CDH6: variants seen among roughly 807,000 people sequenced by gnomAD.
The protein encoded by CDH6 is cadherin 6.
In CDH6, 31 loss-of-function variants were observed where a neutral mutation model predicts 78.0. The ratio of observed to expected loss-of-function variants is 0.40; its 90% CI spans 0.30 to 0.54. The LOEUF is 0.54. Among genes scored for constraint, CDH6 ranks in the 20% least tolerant of loss-of-function variants. The pLI is 0.56. For synonymous variants in CDH6, 376 were observed against 368.8 expected (o/e 1.02, Z -0.23); for missense variants, 724 against 975.9 (o/e 0.74, Z 3.44).
At chr5:31,313,494 G>A (rs1318797094) in intron 8 of CDH6, 40 bp downstream of exon 8, 5 of 1,572,652 alleles carry the variant, frequency 3.2e-6, no homozygotes, top group Non-Finnish European at 4.3e-6. Context: ...CCTATTAATA[G>A]ACTGAGTGTC....
rs1343806116 is a variant in CDH6 at position 31,326,602 on chromosome 5, T to A, written c.*3294T>A. 1.6e-5 allele frequency: 3 copies of A among 185,504 alleles called. No individual in the cohort carries two copies. Among genetic ancestry groups the A allele is most frequent in the African/African-American group, 7.0e-5 (3 of 42,668 alleles). 11.5% of individuals were successfully genotyped at this position (185,504 alleles called of 1,614,324 possible). Reference sequence around the variant, plus strand: ...TTCAGATGGAACAAAACCTGCCCATTTAATTTTAACGCAGTATAAAAAACG... The same window carrying A: ...TTCAGATGGAACAAAACCTGCCCATATAATTTTAACGCAGTATAAAAAACG... On this transcript the variant is annotated 3_prime_UTR_variant, in exon 12 of 12. Transcript: ENST00000265071.
chr5:31,322,862 G>T lies in CDH6; in HGVS notation c.1927G>T (p.Glu643Ter), dbSNP rs778474741. 1 of 1,613,934 alleles carries T rather than the reference G, an allele frequency of 6.2e-7. No individual in the cohort carries two copies. The highest frequency in any genetic ancestry group is 8.5e-7 in the Non-Finnish European group (1 of 1,179,878). Residue 643 changes from glutamate (E) to a stop codon, truncating the protein, a stop_gained, in exon 12 of 12, where the codon GAG becomes TAG. Transcript: ENST00000265071. LOFTEE classifies it high-confidence loss of function. ...AGCTCTGAGGCGGCAGCGAAAAAAA[G>T]AGCCTTTGATCATTTCCAAAGAGGA... is the stretch of plus-strand genomic sequence containing the variant. ...FAALRRQRKKEPLIISKEDIR... is the reference protein window; with the variant it reads ...FAALRRQRKK
chr5:31,199,453 TATGTGTATATATACACACAC>T, intron 1 of CDH6, among the ~76,000 whole-genome samples: 2 of 22,714 alleles, frequency 8.8e-5, no homozygotes, highest in African/African-American at 1.9e-4. Context: ...TACACACACA[TATGTGTATATATACACACAC>T]ATATGTGTAT....
intron 7 of CDH6, among the ~76,000 whole-genome samples, chr5:31,309,986 C>A (rs893567009): frequency 1.3e-5 from 2 of 152,206 alleles, no homozygotes; most frequent in African/African-American, 4.8e-5. Flanking sequence ...CCCTTGGCCC[C>A]TCCCAAATCT....
chr5:31,195,291 T>C (rs991461604), intron 1 of CDH6, among the ~76,000 whole-genome samples: 32 of 152,076 alleles, frequency 2.1e-4, no homozygotes, highest in Non-Finnish European at 1.5e-5. Flanking sequence ...TTCTGAGTGG[T>C]TAATTATCCA....
intron 11 of CDH6, among the ~76,000 whole-genome samples, chr5:31,322,147 A>G (rs1738491169): frequency 6.6e-6 from 1 of 152,208 alleles, no homozygotes; most frequent in South Asian, 2.1e-4. Flanking sequence ...CTCAAACAGA[A>G]ATAATATGGC....
Position 31,317,871 on chromosome 5 carries a change from G to A in CDH6, c.1829G>A (p.Gly610Glu). The change falls in exon 11 of 12, where the codon GGA becomes GAA. Residue 610 changes from glycine (G) to glutamate (E), a missense_variant. Gly to Glu is a moderately conservative substitution (Grantham distance 98). Coordinates refer to ENST00000265071, the MANE Select transcript of CDH6 (RefSeq NM_004932.4). ...GCGGAGGCGCTCATCCACCCCACGG[G>A]ACTGAGCACGGGGGCTCTGGTTGCC... is the stretch of plus-strand genomic sequence containing the variant. ...CHAEALIHPT[G>E]LSTGALVAIL... 1 of 1,614,038 alleles carries A rather than the reference G, an allele frequency of 6.2e-7. No homozygotes were observed. The highest frequency in any genetic ancestry group is 8.5e-7 in the Non-Finnish European group (1 of 1,180,002).
chr5:31,201,799 A>G (rs1029685557), intron 1 of CDH6, among the ~76,000 whole-genome samples: 1 of 152,234 alleles, frequency 6.6e-6, no homozygotes, highest in South Asian at 2.1e-4. Context: ...AATTATATTT[A>G]AAACACCAAA....
At chr5:31,254,777 T>C (rs1239055938) in intron 1 of CDH6, among the ~76,000 whole-genome samples, 1 of 152,246 alleles carries the variant, frequency 6.6e-6, no homozygotes, top group African/African-American at 2.4e-5. Flanking sequence ...GATTTTTTCA[T>C]AAAGCTACAG....
At chr5:31,262,949 G>A (rs537915568) in intron 1 of CDH6, among the ~76,000 whole-genome samples, 4 of 152,046 alleles carry the variant, frequency 2.6e-5, no homozygotes, top group South Asian at 2.1e-4. Flanking sequence ...GTTCTGCACC[G>A]TAAGAATCCT....
At chr5:31,231,433 G>A (rs1276356653) in intron 1 of CDH6, among the ~76,000 whole-genome samples, 2 of 152,152 alleles carry the variant, frequency 1.3e-5, no homozygotes, top group Non-Finnish European at 2.9e-5. Context: ...GACGCTTCCT[G>A]TCTCAGTCCA....
rs959143779 is a variant in CDH6 at position 31,275,122 on chromosome 5, C to G, written c.228+7421C>G. ...TTTGTCATAATATGGTCTGTAGTAG[C>G]AGATAAGAATATAAATAAGCTGAAT... On this transcript the variant is annotated intron_variant, in intron 2 of 11. Coordinates refer to ENST00000265071, the MANE Select transcript of CDH6 (RefSeq NM_004932.4). Among the ~76,000 whole-genome samples the G allele has an allele frequency of 7.9e-5, 12 of 152,282 alleles. No homozygotes were observed. The East Asian group carries it at 2.3e-3, about 29-fold the overall frequency.
intron 1 of CDH6, chr5:31,249,176 G>A (rs1373175132): frequency 6.6e-6 from 1 of 152,126 alleles, no homozygotes; most frequent in Non-Finnish European, 1.5e-5. Context: ...AAAAAGGTGA[G>A]CCTAACCACT....
chr5:31,288,323 C>T (rs970511118), intron 2 of CDH6, among the ~76,000 whole-genome samples: 4 of 152,146 alleles, frequency 2.6e-5, no homozygotes, highest in African/African-American at 9.6e-5. Flanking sequence ...AAATTATTAA[C>T]ATTCAAATAC....
chr5:31,267,973 A>G (rs1304411361), intron 2 of CDH6, among the ~76,000 whole-genome samples: 1 of 152,192 alleles, frequency 6.6e-6, no homozygotes, highest in African/African-American at 2.4e-5. Context: ...TTTAATTTTT[A>G]CTGTAGCTTA....
intron 2 of CDH6, among the ~76,000 whole-genome samples, chr5:31,282,710 G>A (rs145009953): frequency 2.0e-5 from 3 of 152,220 alleles, no homozygotes; most frequent in African/African-American, 4.8e-5. Flanking sequence ...AGTTACTCTG[G>A]TACTTTTGAC....
chr5:31,267,689 G>A lies in CDH6; in HGVS notation c.216G>A (p.Gln72=), dbSNP rs368346209. 1 of 1,613,092 alleles carries A rather than the reference G, an allele frequency of 6.2e-7. No individual in the cohort carries two copies. The highest frequency in any genetic ancestry group is 8.5e-7 in the Non-Finnish European group (1 of 1,179,152). The change falls in exon 2 of 12, where the codon CAG becomes CAA. Residue 72 remains glutamine, a synonymous_variant. Transcript: ENST00000265071. ...LLEEYTGSDY[Q]YVGKLHSDQD... ...AGGAATACACAGGATCCGATTATCA[G>A]TATGTGGGCAAGGTAGGATTCCTTT...
At chr5:31,246,344 C>T (rs888463812) in intron 1 of CDH6, among the ~76,000 whole-genome samples, 1 of 152,180 alleles carries the variant, frequency 6.6e-6, no homozygotes, top group Non-Finnish European at 1.5e-5. Flanking sequence ...CCATTGCACC[C>T]TATTGCTCAG....
chr5:31,276,002 A>G (rs1742680702), intron 2 of CDH6, among the ~76,000 whole-genome samples: 1 of 152,196 alleles, frequency 6.6e-6, no homozygotes. Context: ...TTAGATGTCA[A>G]TGTGCCATTG....
Sources: allele counts gnomAD v4.1 joint callset (sites outside exome capture counted in the v4.1 genomes callset), GRCh38; gene constraint gnomAD v4.1.1; transcripts MANE v1.5; gene names NCBI Gene and HGNC (gene_info 2026-07-23, HGNC 2026-07-21).